Variants in ACOT12 observed in about 807,000 individuals in gnomAD.
ACOT12 encodes the protein acetyl-coenzyme A thioesterase.
A neutral mutation model predicts 67.7 loss-of-function variants in ACOT12; 51 were observed. The observed-to-expected ratio is 0.75, with a 90% CI of 0.60 to 0.95. ACOT12 has a LOEUF of 0.95. Among genes scored for constraint, ACOT12 ranks in the 40% least tolerant of loss-of-function variants. The pLI is 0.00. For missense variants in ACOT12, 734 were observed against 708.1 expected (o/e 1.04, Z -0.41); for synonymous variants, 251 against 244.6 (o/e 1.03, Z -0.24).
Position 81,344,890 on chromosome 5 carries a change from C to A in ACOT12, c.924+1G>T. ...TTGAACCTCGTGTGATAATAACTGA[C>A]CTTTGAAATGGGTTGGATTCTGGGA... On this transcript the variant is annotated splice_donor_variant, in intron 8 of 14. Coordinates refer to ENST00000307624, the MANE Select transcript of ACOT12 (RefSeq NM_130767.3). LOFTEE classifies it high-confidence loss of function. 2 of 1,614,086 alleles carry A rather than the reference C, an allele frequency of 1.2e-6. No homozygotes were observed. The highest frequency in any genetic ancestry group is 1.7e-6 in the Non-Finnish European group (2 of 1,179,988).
rs149756748 is a variant in ACOT12 at position 81,336,097 on chromosome 5, G to A, written c.1129-196C>T. ...GGTCTGTCCAGGATGCTGTAGTCTC[G>A]TGTCCTCTAAACAATATGTGACTTG... On this transcript the variant is annotated intron_variant, in intron 11 of 14. Transcript: ENST00000307624. Among the ~76,000 whole-genome samples, 641 of 151,978 alleles carry A rather than the reference G, an allele frequency of 4.2e-3. 6 individuals are homozygous for A. Among genetic ancestry groups the A allele is most frequent in the African/African-American group, 0.013 (550 of 41,444 alleles).
chr5:81,373,584 A>G (rs1241645534), intron 2 of ACOT12, among the ~76,000 whole-genome samples: 1 of 152,168 alleles, frequency 6.6e-6, no homozygotes, highest in Admixed American at 6.5e-5. Context: ...GGCGGGTCCC[A>G]CGCTCACGGA....
At chr5:81,349,063 G>A (rs1759473744) in intron 5 of ACOT12, among the ~76,000 whole-genome samples, 1 of 152,166 alleles carries the variant, frequency 6.6e-6, no homozygotes, top group African/African-American at 2.4e-5. Flanking sequence ...TTACAAACTG[G>A]GACACCATCG....
intron 2 of ACOT12, among the ~76,000 whole-genome samples, chr5:81,375,218 G>A (rs549872763): frequency 1.5e-4 from 23 of 152,252 alleles, no homozygotes; most frequent in Middle Eastern, 3.4e-3. Flanking sequence ...TTTTCAACCC[G>A]GAATTTCATA....
At chr5:81,320,167 C>T in the ACOT12 span, among the ~76,000 whole-genome samples, 1 of 152,108 alleles carries the variant, frequency 6.6e-6, no homozygotes, top group Non-Finnish European at 1.5e-5. Context: ...ACTGAGTTTA[C>T]AAGGAAGCAC....
At chr5:81,343,946 C>T in intron 9 of ACOT12, 65 bp from the exon 10 acceptor site, 1 of 1,439,060 alleles carries the variant, frequency 6.9e-7, no homozygotes, top group Non-Finnish European at 9.7e-7. Flanking sequence ...ACAACAATAA[C>T]CATAATACTT....
At chr5:81,364,935 G>A (rs1760030456) in intron 3 of ACOT12, among the ~76,000 whole-genome samples, 1 of 151,812 alleles carries the variant, frequency 6.6e-6, no homozygotes. Flanking sequence ...TCATAACCAA[G>A]CTAACACGGA....
chr5:81,345,186 C>G (rs1476026449), intron 7 of ACOT12, 145 bp from the exon 8 acceptor site: 4 of 1,105,294 alleles, frequency 3.6e-6, no homozygotes, highest in African/African-American at 3.2e-5. Flanking sequence ...TGTTTGTTAT[C>G]AGCAAACCTG....
the ACOT12 span, among the ~76,000 whole-genome samples, chr5:81,312,164 G>A: frequency 2.6e-5 from 4 of 152,294 alleles, no homozygotes; most frequent in African/African-American, 4.8e-5. Flanking sequence ...AGACTGACAA[G>A]CAGATGTTGT....
intron 3 of ACOT12, among the ~76,000 whole-genome samples, chr5:81,368,535 A>C (rs912273387): frequency 3.9e-5 from 6 of 152,180 alleles, no homozygotes; most frequent in Non-Finnish European, 8.8e-5. Context: ...AATCAAAAAC[A>C]TAAAGATGTA....
the ACOT12 span, among the ~76,000 whole-genome samples, chr5:81,316,719 A>G: frequency 6.6e-6 from 1 of 152,150 alleles, no homozygotes; most frequent in African/African-American, 2.4e-5. Flanking sequence ...GCAACACTTG[A>G]TTTTGTTTCT....
intron 4 of ACOT12, among the ~76,000 whole-genome samples, chr5:81,362,466 G>A (rs757134740): frequency 7.9e-5 from 12 of 152,046 alleles, no homozygotes; most frequent in South Asian, 2.1e-4. Context: ...ATGCTCGGCC[G>A]ACTATTATAT....
At chr5:81,326,764 CCTATT>C (rs1758683747), downstream of ACOT12, among the ~76,000 whole-genome samples, 1 of 152,114 alleles carries the variant, frequency 6.6e-6, no homozygotes. Flanking sequence ...GTCACCTTGA[CCTATT>C]TAGTTGTCTA....
At chr5:81,342,934 C>G (rs148341352) in intron 10 of ACOT12, among the ~76,000 whole-genome samples, 179 bp from the exon 11 acceptor site, 1 of 152,114 alleles carries the variant, frequency 6.6e-6, no homozygotes, top group African/African-American at 2.4e-5. Context: ...GTAGTCCCAG[C>G]ACTTTGGGAG....
At chr5:81,349,909 G>A (rs1404369643) in intron 5 of ACOT12, among the ~76,000 whole-genome samples, 1 of 152,110 alleles carries the variant, frequency 6.6e-6, no homozygotes, top group African/African-American at 2.4e-5. Flanking sequence ...CCCCATTTTT[G>A]CTTAGAAGTA....
At chr5:81,339,835 C>T (rs971045776) in intron 11 of ACOT12, among the ~76,000 whole-genome samples, 2 of 152,272 alleles carry the variant, frequency 1.3e-5, no homozygotes, top group Admixed American at 1.3e-4. Context: ...AATTTCATCA[C>T]ATATACTACA....
At position 81,333,100 on chromosome 5, in the gene ACOT12, A is replaced by C. The variant is rs137938553; in HGVS notation, c.1263-495T>G. Among the ~76,000 whole-genome samples the C allele has an allele frequency of 4.4e-3, 660 of 151,676 alleles. 9 individuals are homozygous for C. The highest frequency in any genetic ancestry group is 0.015 in the African/African-American group (622 of 41,402). Reference sequence around the variant, plus strand: ...AAAAGCCACAACAAACAAACAAAAAACGCAAGAGCTCTTTGATCAGAAGGA... The same window carrying C: ...AAAAGCCACAACAAACAAACAAAAACCGCAAGAGCTCTTTGATCAGAAGGA... On this transcript the variant is annotated intron_variant, in intron 12 of 14. Transcript: ENST00000307624.
At chr5:81,377,226 C>T (rs1046845936) in intron 2 of ACOT12, among the ~76,000 whole-genome samples, 1 of 152,126 alleles carries the variant, frequency 6.6e-6, no homozygotes, top group Non-Finnish European at 1.5e-5. Flanking sequence ...TAAACAGAAC[C>T]GATGACAAAA....
chr5:81,321,009 A>G, the ACOT12 span, among the ~76,000 whole-genome samples: 1 of 150,596 alleles, frequency 6.6e-6, no homozygotes, highest in Non-Finnish European at 1.5e-5. Flanking sequence ...TAATCCTAGC[A>G]CTCTGGGAGG....
Sources: gnomAD v4.1 joint callset for allele counts (sites outside exome capture counted in the v4.1 genomes callset) on GRCh38, gnomAD v4.1.1 for gene constraint, MANE v1.5 for transcripts, NCBI Gene and HGNC (gene_info 2026-07-23, HGNC 2026-07-21) for gene names.